The following GPHN variants were observed in gnomAD, a reference collection of about 807,000 sequenced individuals.
GPHN encodes gephyrin.
Under a neutral mutation model 95.5 loss-of-function variants are expected in GPHN, and 17 were observed. That is an observed-to-expected ratio of 0.18 (90% CI 0.12 to 0.27). The LOEUF (loss-of-function observed/expected upper bound fraction) is 0.27. GPHN is among the 10% of genes least tolerant of loss of function. The pLI, the probability that GPHN is intolerant of heterozygous loss-of-function variation, is 1.00. For synonymous variants in GPHN, 320 were observed against 322.5 expected (o/e 0.99, Z 0.08); for missense variants, 660 against 978.1 (o/e 0.67, Z 4.34).
the GPHN span, chr14:67,343,320 A>G: frequency 7.2e-7 from 1 of 1,391,446 alleles, no homozygotes; most frequent in South Asian, 1.2e-5. Flanking sequence ...GTTTCACGAC[A>G]AGTGGAGGGT....
chr14:67,569,799 C>T, the GPHN span: 9 of 692,544 alleles, frequency 1.3e-5, no homozygotes, highest in South Asian at 5.0e-5. Flanking sequence ...CCTGGCCCCC[C>T]TCTTGAGATC....
the GPHN span, among the ~76,000 whole-genome samples, chr14:67,664,275 T>C: frequency 6.6e-6 from 1 of 152,188 alleles, no homozygotes; most frequent in African/African-American, 2.4e-5. Context: ...TGAAATTCCG[T>C]ACCCATCAAA....
At chr14:67,212,598 A>AAAT in the GPHN span, among the ~76,000 whole-genome samples, 5 of 135,910 alleles carry the variant, frequency 3.7e-5, no homozygotes, top group South Asian at 6.7e-4. Flanking sequence ...TGAAAAAAAA[A>AAAT]ATATATATAT....
chr14:67,383,612 C>A, the GPHN span: 2 of 891,362 alleles, frequency 2.2e-6, no homozygotes, highest in African/African-American at 1.7e-5. Flanking sequence ...TAAATGTCAG[C>A]TGTTGTCACA....
intron 16 of GPHN, among the ~76,000 whole-genome samples, chr14:67,118,789 T>A (rs1314695386): frequency 6.6e-6 from 1 of 152,148 alleles, no homozygotes; most frequent in Non-Finnish European, 1.5e-5. Flanking sequence ...CTTTCTTAAT[T>A]TATGTCCTAC....
intron 3 of GPHN, among the ~76,000 whole-genome samples, chr14:66,801,799 C>CCGCTCT (rs1218851934): frequency 6.9e-6 from 1 of 145,554 alleles, no homozygotes; most frequent in African/African-American, 2.6e-5. Context: ...ATGCCCGCTC[C>CCGCTCT]CGCTCCCGCT....
At chr14:67,586,827 C>T in the GPHN span, 1 of 1,473,412 alleles carries the variant, frequency 6.8e-7, no homozygotes, top group Non-Finnish European at 9.0e-7. Context: ...CAGAGCAGAA[C>T]ACTGGGCCTC....
intron 1 of GPHN, among the ~76,000 whole-genome samples, chr14:66,556,330 A>G (rs567626213): frequency 6.6e-6 from 1 of 152,304 alleles, no homozygotes; most frequent in East Asian, 1.9e-4. Context: ...TCAGTACATC[A>G]TAAGATTTAA....
At chr14:67,022,260 C>T (rs1414023733) in intron 9 of GPHN, among the ~76,000 whole-genome samples, 1 of 151,822 alleles carries the variant, frequency 6.6e-6, no homozygotes, top group African/African-American at 2.4e-5. Flanking sequence ...CATATTGTCC[C>T]CTTCTGTAAT....
the GPHN span, among the ~76,000 whole-genome samples, chr14:67,686,846 G>A: frequency 3.3e-5 from 5 of 152,068 alleles, no homozygotes; most frequent in Non-Finnish European, 5.9e-5. Context: ...ATGTTTTGCT[G>A]CCAAATGAGT....
chr14:67,198,949 C>T, the GPHN span: 1 of 701,676 alleles, frequency 1.4e-6, no homozygotes, highest in African/African-American at 1.7e-5. Context: ...GAGCTATTAC[C>T]TCTAACTCTT....
intron 4 of GPHN, among the ~76,000 whole-genome samples, chr14:66,854,140 T>TA (rs1567022636): frequency 1.3e-5 from 2 of 152,178 alleles, no homozygotes; most frequent in African/African-American, 4.8e-5. Context: ...GAATATTTGT[T>TA]AAAATCAAAG....
chr14:66,929,510 T>C (rs945221774), intron 8 of GPHN, among the ~76,000 whole-genome samples: 4 of 152,184 alleles, frequency 2.6e-5, no homozygotes, highest in African/African-American at 7.2e-5. Context: ...TGGTTGCATA[T>C]ATGTTTACAA....
At chr14:66,845,173 C>A (rs899778035) in intron 4 of GPHN, among the ~76,000 whole-genome samples, 1 of 152,080 alleles carries the variant, frequency 6.6e-6, no homozygotes, top group Non-Finnish European at 1.5e-5. Context: ...ACAAATAATG[C>A]TCCTACAAAC....
chr14:67,344,110 G>A, the GPHN span, among the ~76,000 whole-genome samples: 4 of 152,302 alleles, frequency 2.6e-5, no homozygotes, highest in African/African-American at 9.6e-5. Context: ...TCTGATTCAT[G>A]AAGTTTTACT....
At chr14:66,745,609 C>A (rs2058113590) in intron 2 of GPHN, among the ~76,000 whole-genome samples, 1 of 151,682 alleles carries the variant, frequency 6.6e-6, no homozygotes, top group South Asian at 2.1e-4. Flanking sequence ...TAGAATAATT[C>A]ATATGTTAGC....
intron 1 of GPHN, among the ~76,000 whole-genome samples, chr14:66,633,551 T>C (rs2063939621): frequency 6.6e-6 from 1 of 152,198 alleles, no homozygotes; most frequent in African/African-American, 2.4e-5. Context: ...TGAATAGTAT[T>C]CCAGTGTATG....
intron 10 of GPHN, among the ~76,000 whole-genome samples, chr14:67,040,700 T>C (rs967568955): frequency 5.3e-5 from 8 of 152,188 alleles, no homozygotes; most frequent in Admixed American, 5.2e-4. Flanking sequence ...CTCAGTTATT[T>C]TGTACAATGT....
intron 2 of GPHN, among the ~76,000 whole-genome samples, chr14:66,744,936 A>AT (rs1377351079): frequency 6.6e-6 from 1 of 152,134 alleles, no homozygotes; most frequent in African/African-American, 2.4e-5. Flanking sequence ...GGTAAGGAAG[A>AT]TTCGTCCCTG....
Sources: allele counts gnomAD v4.1 joint callset (sites outside exome capture counted in the v4.1 genomes callset), GRCh38; gene constraint gnomAD v4.1.1; transcripts MANE v1.5; gene names NCBI Gene and HGNC (gene_info 2026-07-23, HGNC 2026-07-21).